The following GMPR2 variants were observed in gnomAD, a reference collection of about 807,000 sequenced individuals.
GMPR2 encodes GMP reductase 2.
Under a neutral mutation model 38.5 loss-of-function variants are expected in GMPR2, and 32 were observed. That is an observed-to-expected ratio of 0.83 (90% CI 0.63 to 1.12). The LOEUF (loss-of-function observed/expected upper bound fraction) is 1.12. Ranked by LOEUF, GMPR2 falls within the 50% of genes most tolerant of loss-of-function variation. The pLI is 0.00. For synonymous variants in GMPR2, 154 were observed against 151.0 expected, an observed-to-expected ratio of 1.02 and a Z score of -0.15; for missense variants, 396 against 432.1, an observed-to-expected ratio of 0.92 and a Z score of 0.74.
rs2040476882 is a variant in GMPR2 at position 24,238,760 on chromosome 14, C to A, written c.1029C>A (p.Ile343=). The part of the protein sequence containing the change: ...FIRVTQQVNP[I]FSEAC ...GAGTCACCCAGCAGGTGAATCCAATCTTCAGTGAGGCGTGCTAGACCTGAG... is the reference window on the plus strand; with the variant it reads ...GAGTCACCCAGCAGGTGAATCCAATATTCAGTGAGGCGTGCTAGACCTGAG... Residue 343 remains isoleucine, a synonymous_variant, in exon 10 of 10, where the codon ATC becomes ATA. Transcript: ENST00000399440. The A allele has an allele frequency of 1.2e-6, 2 of 1,613,466 alleles. No individual in the cohort carries two copies. Among genetic ancestry groups the A allele is most frequent in the Non-Finnish European group, 1.7e-6 (2 of 1,179,860 alleles).
chr14:24,232,694 C>T (rs1189221555), upstream of GMPR2: 2 of 218,230 alleles, frequency 9.2e-6, no homozygotes, highest in East Asian at 1.2e-4. Flanking sequence ...CTCGCCCTGC[C>T]GCCGCCGAAG....
chr14:24,236,165 C>A, intron 5 of GMPR2, 25 bp downstream of exon 5: 4 of 1,582,788 alleles, frequency 2.5e-6, no homozygotes, highest in South Asian at 1.1e-5. Context: ...CAGTCGGTAC[C>A]TTTTTATCTT....
At chr14:24,234,164 T>C (rs971912049) in intron 3 of GMPR2, 14 of 1,289,114 alleles carry the variant, frequency 1.1e-5, no homozygotes, top group Non-Finnish European at 1.4e-5. Flanking sequence ...TTTTCTTATA[T>C]ACAAGTTGTT....
rs866684704 is a variant in GMPR2, at chr14:24,235,739, C to T, written c.210C>T (p.Phe70=). ...ATGCTTCTTTGTCTTCTCCCCAGTT[C>T]TCTCTCTTCACTGCTGTCCATAAGC... The part of the protein sequence containing the change: ...TFEMAKVLCK[F]SLFTAVHKHY... The change falls in exon 4 of 10, where the codon TTC becomes TTT. Residue 70 remains phenylalanine (F), a splice_region_variant and synonymous_variant. Transcript: ENST00000399440. The T allele has an allele frequency of 2.5e-6, 4 of 1,607,868 alleles. No homozygotes were observed. The highest frequency in any genetic ancestry group is 3.4e-6 in the Non-Finnish European group (4 of 1,174,288).
In GMPR2 at chr14:24,233,202, G is replaced by T; in HGVS notation, c.-35-17G>T. 6.2e-7 allele frequency: 1 copy of T among 1,613,038 alleles called. No individual in the cohort carries two copies. The highest frequency in any genetic ancestry group is 1.1e-5 in the South Asian group (1 of 91,022). ...AGCCCAGGGGAAGATTGGTCCTTAT[G>T]ACTTCCTGCCTTCCAGCCCTCAGAT... is the stretch of plus-strand genomic sequence containing the variant. On this transcript the variant is annotated splice_polypyrimidine_tract_variant and intron_variant, in intron 1 of 9. Transcript: ENST00000399440.
At position 24,233,240 on chromosome 14, in the gene GMPR2, C is replaced by T. The variant is rs370108318; in HGVS notation, c.-14C>T. 1.2e-6 allele frequency: 2 copies of T among 1,613,936 alleles called. No individual in the cohort carries two copies. The highest frequency in any genetic ancestry group is 8.5e-7 in the Non-Finnish European group (1 of 1,179,976). On this transcript the variant is annotated 5_prime_UTR_variant, in exon 2 of 10. Coordinates refer to ENST00000399440, the MANE Select transcript of GMPR2 (RefSeq NM_001002002.3). The stretch of plus-strand genomic sequence containing the variant: ...CCAGCCCTCAGATTCATCGCTACCC[C>T]GAGGCTAAGCGCCATGCCTCATATT...
chr14:24,235,081 G>T (rs1024401036), intron 3 of GMPR2, among the ~76,000 whole-genome samples: 1 of 152,226 alleles, frequency 6.6e-6, no homozygotes. Context: ...TTTGCAATCT[G>T]TTGAGCTAGA....
chr14:24,235,736 G>A lies in GMPR2; in HGVS notation c.208-1G>A. 6.2e-7 allele frequency: 1 copy of A among 1,607,108 alleles called. No individual in the cohort carries two copies. The highest frequency in any genetic ancestry group is 8.5e-7 in the Non-Finnish European group (1 of 1,173,654). The stretch of plus-strand genomic sequence containing the variant: ...TTGATGCTTCTTTGTCTTCTCCCCA[G>A]TTCTCTCTCTTCACTGCTGTCCATA... On this transcript the variant is annotated splice_acceptor_variant, in intron 3 of 9. Coordinates refer to ENST00000399440, the MANE Select transcript of GMPR2 (RefSeq NM_001002002.3). LOFTEE classifies it high-confidence loss of function.
chr14:24,233,096 C>T (rs1334257033), intron 1 of GMPR2, 119 bp downstream of exon 1: 2 of 1,275,148 alleles, frequency 1.6e-6, no homozygotes, highest in Non-Finnish European at 2.3e-6. Flanking sequence ...AGGTGACAGG[C>T]TTCAGGGACC....
rs773058605 is a variant in GMPR2 at position 24,239,134 on chromosome 14, ATGTTT to A, written c.*361_*365del. 25 of 401,586 alleles carry A rather than the reference ATGTTT, an allele frequency of 6.2e-5. No individual in the cohort carries two copies. Among genetic ancestry groups the A allele is most frequent in the Non-Finnish European group, 1.1e-4 (22 of 205,746 alleles). 24.9% of individuals were successfully genotyped at this position (401,586 alleles called of 1,614,324 possible). A position where few individuals can be genotyped will look rare whatever the true frequency, so the allele number is the denominator to read the frequency against. ...CTAGAGGAGGCAGGCTTTTAGAATC[ATGTTT>A]TGTTAATCCGCTTCACTAAATTGGA... On this transcript the variant is annotated 3_prime_UTR_variant, in exon 10 of 10. Transcript: ENST00000399440.
intron 3 of GMPR2, among the ~76,000 whole-genome samples, chr14:24,233,917 C>T (rs901453803): frequency 6.6e-6 from 1 of 152,222 alleles, no homozygotes; most frequent in African/African-American, 2.4e-5. Flanking sequence ...CAGTCACATG[C>T]ATCCCTTCAG....
rs1476656360 is a variant in GMPR2, at chr14:24,235,443, C to CAGCTT, written c.208-293_208-289dup. ...TCTGCTGCCTGTCCCACTGCACCAGCAGCTTGTCACCTTTTAAGTCAGAAG... is the reference window on the plus strand; with the variant it reads ...TCTGCTGCCTGTCCCACTGCACCAGCAGCTTAGCTTGTCACCTTTTAAGTCAGAAG... On this transcript the variant is annotated intron_variant, in intron 3 of 9. Transcript: ENST00000399440. 6 of 432,252 alleles carry CAGCTT rather than the reference C, an allele frequency of 1.4e-5. No individual in the cohort carries two copies. The South Asian group carries it at 1.9e-4, about 14-fold the overall frequency. The allele number at this position is 432,252 out of a possible 1,614,324, so 26.8% of individuals were successfully genotyped here.
rs2040374404 is a variant in GMPR2, at chr14:24,236,998, A to C, written c.466-73A>C. The C allele has an allele frequency of 2.7e-6, 3 of 1,099,036 alleles. No homozygotes were observed. In the South Asian group the frequency reaches 3.9e-5, roughly 14 times the overall value. The allele number at this position is 1,099,036 out of a possible 1,614,324, so 68.1% of individuals were successfully genotyped here. A position where few individuals can be genotyped will look rare whatever the true frequency, so the allele number is the denominator to read the frequency against. ...TAATAATGTTGGAAAGTCATGGTCC[A>C]TGCATACCGTAACAATACATGACCT... is the stretch of plus-strand genomic sequence containing the variant. On this transcript the variant is annotated intron_variant, in intron 5 of 9. Transcript: ENST00000399440.
chr14:24,236,977 A>G, intron 5 of GMPR2, 94 bp from the exon 6 acceptor site: 1 of 946,396 alleles, frequency 1.1e-6, no homozygotes, highest in East Asian at 2.4e-5. Context: ...TCTTTGTAAT[A>G]ATGTTGGAAA....
At chr14:24,238,467 G>A in intron 9 of GMPR2, 62 bp downstream of exon 9, 1 of 1,614,094 alleles carries the variant, frequency 6.2e-7, no homozygotes, top group South Asian at 1.1e-5. Flanking sequence ...GCTGCTGAGA[G>A]GGGGATGGTA....
In GMPR2 at chr14:24,238,873, T is replaced by A. The variant is rs1203027042; in HGVS notation, c.*95T>A. The A allele has an allele frequency of 7.9e-6, 8 of 1,012,610 alleles. No homozygotes were observed. Among genetic ancestry groups the A allele is most frequent in the Middle Eastern group, 4.0e-4 (2 of 4,986 alleles). 62.7% of individuals were successfully genotyped at this position (1,012,610 alleles called of 1,614,324 possible). On this transcript the variant is annotated 3_prime_UTR_variant, in exon 10 of 10. Transcript: ENST00000399440. ...CATCCCAGCTACTGCAGCTCTGTATTACTTTGTCATTTCCTGTTGTCTCAC... is the reference window on the plus strand; with the variant it reads ...CATCCCAGCTACTGCAGCTCTGTATAACTTTGTCATTTCCTGTTGTCTCAC...
At chr14:24,233,802 G>T in intron 3 of GMPR2, 1 of 644,016 alleles carries the variant, frequency 1.6e-6, no homozygotes, top group Non-Finnish European at 2.7e-6. Flanking sequence ...TCAAAGCTAA[G>T]TTCTGCTCCG....
At chr14:24,235,651 C>G in intron 3 of GMPR2, 86 bp from the exon 4 acceptor site, 1 of 900,150 alleles carries the variant, frequency 1.1e-6, no homozygotes, top group Non-Finnish European at 1.9e-6. Flanking sequence ...CAATCATGTC[C>G]TCCCTCAGAT....
rs764422810 is a variant in GMPR2 at position 24,237,262 on chromosome 14, C to T, written c.565C>T (p.Arg189Trp). The T allele has an allele frequency of 1.6e-5, 26 of 1,608,714 alleles. No homozygotes were observed. Among genetic ancestry groups the T allele is most frequent in the East Asian group, 4.5e-5 (2 of 44,860 alleles). ...GIGPGSVCTT[R>W]KKTGVGYPQL... ...CTTCCTAGGCTCTGTGTGTACTACTCGGAAGAAAACTGGAGTGGGGTATCC... is the reference window on the plus strand; with the variant it reads ...CTTCCTAGGCTCTGTGTGTACTACTTGGAAGAAAACTGGAGTGGGGTATCC... Residue 189 changes from arginine to tryptophan, a missense_variant, in exon 7 of 10, where the codon CGG (arginine) becomes TGG (tryptophan). Transcript: ENST00000399440.
Sources: gnomAD v4.1 joint callset for allele counts (sites outside exome capture counted in the v4.1 genomes callset) on GRCh38, gnomAD v4.1.1 for gene constraint, MANE v1.5 for transcripts, NCBI Gene and HGNC (gene_info 2026-07-23, HGNC 2026-07-21) for gene names.